The following CTNNB1 variants were observed in gnomAD, a reference collection of about 807,000 sequenced individuals.
CTNNB1 encodes the protein catenin beta-1.
A neutral mutation model predicts 82.5 loss-of-function variants in CTNNB1; 6 were observed. The ratio of observed to expected loss-of-function variants is 0.07; its 90% CI spans 0.04 to 0.14. The LOEUF (loss-of-function observed/expected upper bound fraction) is 0.14, where lower values mean the gene tolerates loss of function less well. CTNNB1 is among the 10% of genes least tolerant of loss of function. The pLI, the probability that CTNNB1 is intolerant of heterozygous loss-of-function variation, is 1.00. For missense variants in CTNNB1, 529 were observed against 980.4 expected (o/e 0.54, Z 6.15); for synonymous variants, 312 against 329.7 (o/e 0.95, Z 0.58).
At chr3:41,218,329 T>C (rs2077959972) in intron 1 of CTNNB1, among the ~76,000 whole-genome samples, 2 of 152,204 alleles carry the variant, frequency 1.3e-5, no homozygotes, top group South Asian at 4.1e-4. Context: ...TGAATTGCTG[T>C]GGTTGTTGAT....
chr3:41,236,575 C>G lies in CTNNB1; in HGVS notation c.1955-13C>G, dbSNP rs757103553. The G allele has an allele frequency of 2.5e-6, 4 of 1,614,188 alleles. No homozygotes were observed. The highest frequency in any genetic ancestry group is 2.5e-6 in the Non-Finnish European group (3 of 1,180,032). On this transcript the variant is annotated splice_polypyrimidine_tract_variant and intron_variant, in intron 12 of 14. Transcript: ENST00000349496. ...AGTTTTTCCTCAAGGGCCTTTTTCT[C>G]CTTGTCTCTTAGCGACATATGCAGC...
chr3:41,206,639 C>T (rs1446373886), intron 1 of CTNNB1, among the ~76,000 whole-genome samples: 1 of 151,982 alleles, frequency 6.6e-6, no homozygotes, highest in Admixed American at 6.5e-5. Context: ...TACTCCCTCT[C>T]TCTCTTTTTT....
At chr3:41,214,779 T>TA (rs1307159720) in intron 1 of CTNNB1, among the ~76,000 whole-genome samples, 3,471 of 146,696 alleles carry the variant, frequency 0.024, 125 homozygotes, top group African/African-American at 0.078. Flanking sequence ...TTTGGATAGC[T>TA]AAAAAAAAAA....
rs369293456 is a variant in CTNNB1, at chr3:41,228,308, A to G, written c.1081+956A>G. Among the ~76,000 whole-genome samples the G allele has an allele frequency of 8.9e-4, 135 of 152,324 alleles. 1 individual carries two copies. Among genetic ancestry groups the G allele is most frequent in the Middle Eastern group, 6.8e-3 (2 of 294 alleles). On this transcript the variant is annotated intron_variant, in intron 7 of 14. Coordinates refer to ENST00000349496, the MANE Select transcript of CTNNB1 (RefSeq NM_001904.4). ...AGAAATCACCAAATTGCTTTCCACAATGGCTGAACTAATTTACTTTCCCAC... is the reference window on the plus strand; with the variant it reads ...AGAAATCACCAAATTGCTTTCCACAGTGGCTGAACTAATTTACTTTCCCAC...
chr3:41,204,045 T>G (rs1415577177), intron 1 of CTNNB1, among the ~76,000 whole-genome samples: 1 of 152,122 alleles, frequency 6.6e-6, no homozygotes, highest in Admixed American at 6.5e-5. Flanking sequence ...TGTGGAAACA[T>G]TGGTATATGA....
At chr3:41,228,049 C>A (rs957161502) in intron 7 of CTNNB1, among the ~76,000 whole-genome samples, 1 of 152,022 alleles carries the variant, frequency 6.6e-6, no homozygotes, top group African/African-American at 2.4e-5. Context: ...AGGAAGACAT[C>A]TTGGTATTTT....
intron 7 of CTNNB1, among the ~76,000 whole-genome samples, chr3:41,229,692 T>G (rs1445820694): frequency 6.6e-6 from 1 of 152,176 alleles, no homozygotes; most frequent in Non-Finnish European, 1.5e-5. Flanking sequence ...CTTGCCTGAT[T>G]ATGAGCAGTG....
intron 1 of CTNNB1, among the ~76,000 whole-genome samples, chr3:41,206,004 C>G (rs1053366710): frequency 3.9e-5 from 6 of 152,098 alleles, no homozygotes; most frequent in African/African-American, 1.4e-4. Flanking sequence ...TTTTCCACCC[C>G]CTCTTTATGA....
chr3:41,236,181 C>T, intron 11 of CTNNB1, 168 bp from the exon 12 acceptor site: 1 of 863,074 alleles, frequency 1.2e-6, no homozygotes, highest in Non-Finnish European at 1.9e-6. Context: ...TATGGAAATC[C>T]AGTGCTCCAG....
chr3:41,201,799 T>C (rs1337310044), intron 1 of CTNNB1, among the ~76,000 whole-genome samples: 3 of 152,174 alleles, frequency 2.0e-5, no homozygotes, highest in African/African-American at 7.2e-5. Context: ...TATCTGATTA[T>C]TTCTTTTACC....
intron 1 of CTNNB1, among the ~76,000 whole-genome samples, chr3:41,223,808 TAAG>T (rs924240579): frequency 2.0e-5 from 3 of 152,096 alleles, no homozygotes; most frequent in Non-Finnish European, 4.4e-5. Context: ...ACATTTTTGG[TAAG>T]GAGGAGTTTT....
intron 10 of CTNNB1, 79 bp downstream of exon 10, chr3:41,234,376 G>A (rs1206971919): frequency 1.4e-6 from 2 of 1,437,286 alleles, no homozygotes; most frequent in Non-Finnish European, 2.0e-6. Context: ...TCTTTCTTTG[G>A]TCATTGGTTC....
At position 41,207,044 on chromosome 3, in the gene CTNNB1, A is replaced by G. The variant is rs75542200; in HGVS notation, c.-49+7374A>G. ...TATTGTTTAGTTTTCAAGCCCAACT[A>G]TCTTGTTACTTTGTATATCGTAGTT... On this transcript the variant is annotated intron_variant, in intron 1 of 14. Coordinates refer to ENST00000349496, the MANE Select transcript of CTNNB1 (RefSeq NM_001904.4). 2.2e-3 allele frequency among the ~76,000 whole-genome samples: 330 copies of G among 152,258 alleles called. 2 individuals carry two copies. Among genetic ancestry groups the G allele is most frequent in the African/African-American group, 7.5e-3 (311 of 41,550 alleles).
chr3:41,213,765 GGT>G (rs1277032011), intron 1 of CTNNB1, among the ~76,000 whole-genome samples: 5 of 152,058 alleles, frequency 3.3e-5, no homozygotes, highest in Non-Finnish European at 5.9e-5. Flanking sequence ...CTCATTTATT[GGT>G]GTGTTTTTGG....
In CTNNB1 at chr3:41,239,270, T is replaced by C; in HGVS notation, c.2274T>C (p.His758=). The C allele has an allele frequency of 6.2e-7, 1 of 1,614,214 alleles. No individual in the cohort carries two copies. Among genetic ancestry groups the C allele is most frequent in the Non-Finnish European group, 8.5e-7 (1 of 1,180,040 alleles). The change falls in exon 15 of 15, where the codon CAT becomes CAC. Residue 758 remains histidine (H), a synonymous_variant. Coordinates refer to ENST00000349496, the MANE Select transcript of CTNNB1 (RefSeq NM_001904.4). ...TTGATGGGCTGCCAGATCTGGGGCA[T>C]GCCCAGGACCTCATGGATGGGCTGC... ...YPVDGLPDLG[H]AQDLMDGLPP... is the part of the protein sequence containing the mutation.
chr3:41,227,636 CAG>C lies in CTNNB1; in HGVS notation c.1081+287_1081+288del, dbSNP rs143208970. Among the ~76,000 whole-genome samples the C allele has an allele frequency of 7.3e-3, 1,110 of 152,254 alleles. 11 individuals are homozygous for C. The highest frequency in any genetic ancestry group is 0.025 in the African/African-American group (1,042 of 41,538). ...TTTGAGTAAACCTAAGATTTGCTAA[CAG>C]AGCTGTGAATTTATAGGAGAAAAGA... is the stretch of plus-strand genomic sequence containing the variant. On this transcript the variant is annotated intron_variant, in intron 7 of 14. Transcript: ENST00000349496.
At chr3:41,216,846 G>T (rs1471930108) in intron 1 of CTNNB1, among the ~76,000 whole-genome samples, 1 of 151,854 alleles carries the variant, frequency 6.6e-6, no homozygotes, top group Admixed American at 6.6e-5. Context: ...TTTTTTTAAT[G>T]TAGACCTTTT....
At chr3:41,207,837 G>A (rs908089395) in intron 1 of CTNNB1, among the ~76,000 whole-genome samples, 1 of 152,132 alleles carries the variant, frequency 6.6e-6, no homozygotes, top group Non-Finnish European at 1.5e-5. Flanking sequence ...TACTTCCCTT[G>A]CAGCTCTCTC....
chr3:41,202,416 A>G (rs1206041909), intron 1 of CTNNB1, among the ~76,000 whole-genome samples: 2 of 152,232 alleles, frequency 1.3e-5, no homozygotes, highest in Non-Finnish European at 2.9e-5. Context: ...GTAGTGTGTC[A>G]TGTTGATTTG....
Sources: allele counts gnomAD v4.1 joint callset (sites outside exome capture counted in the v4.1 genomes callset), GRCh38; gene constraint gnomAD v4.1.1; transcripts MANE v1.5; gene names NCBI Gene and HGNC (gene_info 2026-07-23, HGNC 2026-07-21).